The following C2orf76 variants were observed in gnomAD, a reference collection of about 807,000 sequenced individuals.
C2orf76 encodes the protein chromosome 2 open reading frame 76.
A neutral mutation model predicts 16.9 loss-of-function variants in C2orf76; 23 were observed. The ratio of observed to expected loss-of-function variants is 1.36; its 90% CI spans 0.98 to 1.93. The LOEUF is 1.93. Among genes scored for constraint, C2orf76 ranks in the 30% most tolerant of loss-of-function variants. The pLI is 0.00. For synonymous variants in C2orf76, 48 were observed against 52.3 expected (o/e 0.92, Z 0.35); for missense variants, 152 against 152.6 (o/e 1.00, Z 0.02).
chr2:119,303,104 G>A lies in C2orf76; in HGVS notation c.305-556C>T, dbSNP rs189333049. Among the ~76,000 whole-genome samples the A allele has an allele frequency of 3.5e-3, 537 of 152,216 alleles. 3 individuals carry two copies. In the Middle Eastern group the frequency reaches 0.041, roughly 12 times the overall value. On this transcript the variant is annotated intron_variant, in intron 5 of 5. Transcript: ENST00000334816. Reference sequence around the variant, plus strand: ...TGCCCTGCTTATGATTAATTCATGCGGCTTCAACAATATGCAAAGTGAAAG... The same window carrying A: ...TGCCCTGCTTATGATTAATTCATGCAGCTTCAACAATATGCAAAGTGAAAG...
chr2:119,321,572 G>A (rs569522992), intron 2 of C2orf76, among the ~76,000 whole-genome samples: 46 of 152,140 alleles, frequency 3.0e-4, no homozygotes, highest in South Asian at 2.1e-4. Context: ...ATTCACTACC[G>A]TAAGAACAGC....
At chr2:119,330,815 G>A (rs879906745) in intron 2 of C2orf76, among the ~76,000 whole-genome samples, 5 of 151,728 alleles carry the variant, frequency 3.3e-5, no homozygotes, top group African/African-American at 9.7e-5. Flanking sequence ...TTTTTTCTCC[G>A]CAGCATCTAA....
chr2:119,311,213 T>G, intron 5 of C2orf76: 1 of 985,448 alleles, frequency 1.0e-6, no homozygotes, highest in Non-Finnish European at 1.2e-6. Context: ...TTCGGAAGAC[T>G]ATCAAAAACC....
upstream of C2orf76, chr2:119,366,883 A>T: frequency 2.4e-6 from 2 of 848,970 alleles, no homozygotes; most frequent in Admixed American, 2.8e-5. Flanking sequence ...GGGGCTGGGC[A>T]CGCCCCTAGC....
intron 5 of C2orf76, chr2:119,311,021 G>T: frequency 2.4e-6 from 1 of 416,736 alleles, no homozygotes; most frequent in Non-Finnish European, 3.2e-6. Flanking sequence ...TGCCAGATCA[G>T]CTTTAGGTGT....
At chr2:119,282,039 G>T in the C2orf76 span, among the ~76,000 whole-genome samples, 52 of 152,114 alleles carry the variant, frequency 3.4e-4, no homozygotes, top group African/African-American at 1.2e-3. Flanking sequence ...CCAGCTACTC[G>T]GGAGGCTGAG....
chr2:119,292,816 C>T, the C2orf76 span, among the ~76,000 whole-genome samples: 1 of 152,136 alleles, frequency 6.6e-6, no homozygotes, highest in Non-Finnish European at 1.5e-5. Flanking sequence ...AGGCGGATCA[C>T]CTGAAGTCAG....
At chr2:119,365,600 C>A (rs1680923892) in intron 1 of C2orf76, among the ~76,000 whole-genome samples, 1 of 152,134 alleles carries the variant, frequency 6.6e-6, no homozygotes, top group African/African-American at 2.4e-5. Context: ...TGTAGTCCAG[C>A]CCTCTTGCCA....
intron 2 of C2orf76, among the ~76,000 whole-genome samples, chr2:119,325,022 T>C (rs568536289): frequency 1.3e-5 from 2 of 151,984 alleles, no homozygotes; most frequent in South Asian, 4.2e-4. Context: ...GATCATACAA[T>C]AGGTATATGT....
intron 2 of C2orf76, among the ~76,000 whole-genome samples, chr2:119,325,357 G>A (rs1454358809): frequency 2.0e-5 from 3 of 151,150 alleles, no homozygotes; most frequent in Admixed American, 1.3e-4. Context: ...CTACTCAGGA[G>A]GCTGAGACAT....
intron 5 of C2orf76, 70 bp from the exon 6 acceptor site, chr2:119,302,618 CAT>C (rs1678649903): frequency 1.1e-6 from 1 of 916,662 alleles, no homozygotes; most frequent in South Asian, 2.4e-5. Flanking sequence ...TATGGAAATC[CAT>C]ATGACTTTGA....
At chr2:119,320,996 TC>T (rs1444271655) in intron 3 of C2orf76, among the ~76,000 whole-genome samples, 157 bp downstream of exon 3, 1 of 152,198 alleles carries the variant, frequency 6.6e-6, no homozygotes, top group Non-Finnish European at 1.5e-5. Context: ...CTATTACAAT[TC>T]ATTTCAGCAA....
At chr2:119,346,847 T>C (rs1347217281) in intron 1 of C2orf76, among the ~76,000 whole-genome samples, 1 of 152,206 alleles carries the variant, frequency 6.6e-6, no homozygotes, top group Non-Finnish European at 1.5e-5. Context: ...ATGAGGTTCA[T>C]TGCTTGTATC....
chr2:119,311,845 T>C (rs1679002950), intron 4 of C2orf76, 142 bp from the exon 5 acceptor site: 1 of 758,076 alleles, frequency 1.3e-6, no homozygotes, highest in Middle Eastern at 2.6e-4. Context: ...ATGAGGGCAG[T>C]GAACAGAGGC....
In C2orf76 at chr2:119,331,904, CT is replaced by C. The variant is rs541561800; in HGVS notation, c.133+7922del. Among the ~76,000 whole-genome samples the C allele has an allele frequency of 8.7e-4, 133 of 152,168 alleles. 2 individuals are homozygous for C. Among genetic ancestry groups the C allele is most frequent in the African/African-American group, 3.1e-3 (128 of 41,526 alleles). On this transcript the variant is annotated intron_variant, in intron 2 of 5. Coordinates refer to ENST00000334816, the MANE Select transcript of C2orf76 (RefSeq NM_001322331.2). ...TTTCTTTCATTTTATGTTTTCCCAC[CT>C]TTGAACTTAAGACTTCAGAATGTTG...
At chr2:119,292,962 G>A in the C2orf76 span, among the ~76,000 whole-genome samples, 30 of 152,218 alleles carry the variant, frequency 2.0e-4, no homozygotes, top group Non-Finnish European at 1.6e-4. Flanking sequence ...TTGAACTCAG[G>A]AGGCAGAGCT....
chr2:119,309,408 T>C (rs1206810858), intron 5 of C2orf76, among the ~76,000 whole-genome samples: 3 of 128,674 alleles, frequency 2.3e-5, no homozygotes, highest in Non-Finnish European at 4.8e-5. Context: ...CTTTTTTTTT[T>C]TTTTTTTTTT....
the C2orf76 span, among the ~76,000 whole-genome samples, chr2:119,294,121 C>T: frequency 0.39 from 59,395 of 151,796 alleles, 11,691 homozygotes; most frequent in African/African-American, 0.45. Context: ...CCTTCTACAT[C>T]GTAAAGGATA....
intron 1 of C2orf76, among the ~76,000 whole-genome samples, chr2:119,363,378 C>T (rs905306448): frequency 6.7e-6 from 1 of 150,114 alleles, no homozygotes; most frequent in African/African-American, 2.5e-5. Flanking sequence ...GAGCCGAGAT[C>T]GCACCACTAC....
Sources: gnomAD v4.1 joint callset for allele counts (sites outside exome capture counted in the v4.1 genomes callset) on GRCh38, gnomAD v4.1.1 for gene constraint, MANE v1.5 for transcripts, NCBI Gene and HGNC (gene_info 2026-07-23, HGNC 2026-07-21) for gene names.